The following KCNIP4 variants were observed in gnomAD, a reference collection of about 807,000 sequenced individuals.
KCNIP4 encodes the protein Kv channel-interacting protein 4.
KCNIP4 carries 12 observed loss-of-function variants against 34.0 expected under a neutral mutation model. The observed-to-expected ratio is 0.35, with a 90% CI of 0.23 to 0.57. KCNIP4 has a LOEUF of 0.57. KCNIP4 is among the 20% of genes least tolerant of loss of function. The pLI, the probability that KCNIP4 is intolerant of heterozygous loss-of-function variation, is 0.83. For missense variants in KCNIP4, 238 were observed against 311.7 expected (o/e 0.76, Z 1.78); for synonymous variants, 124 against 102.2 (o/e 1.21, Z -1.29).
chr4:21,406,412 G>A (rs1440904719), intron 1 of KCNIP4, among the ~76,000 whole-genome samples: 9 of 152,158 alleles, frequency 5.9e-5, no homozygotes. Context: ...TGTAGCAGTG[G>A]CATCAAACAG....
intron 1 of KCNIP4, among the ~76,000 whole-genome samples, chr4:21,097,922 C>T (rs948640326): frequency 6.6e-6 from 1 of 152,110 alleles, no homozygotes; most frequent in African/African-American, 2.4e-5. Context: ...TTGGGCCAAA[C>T]AGGTAGCCAA....
At chr4:21,672,629 TATG>T (rs1228774475) in intron 1 of KCNIP4, among the ~76,000 whole-genome samples, 1 of 152,234 alleles carries the variant, frequency 6.6e-6, no homozygotes. Context: ...ACCATGAAAG[TATG>T]ATAAGATTCC....
intron 1 of KCNIP4, among the ~76,000 whole-genome samples, chr4:21,834,659 C>T (rs1489968702): frequency 3.3e-5 from 5 of 152,214 alleles, no homozygotes; most frequent in South Asian, 2.1e-4. Flanking sequence ...GAGGGCATCC[C>T]TGTCTTGTGC....
At chr4:21,179,278 T>A (rs528671626) in intron 1 of KCNIP4, among the ~76,000 whole-genome samples, 16 of 152,322 alleles carry the variant, frequency 1.1e-4, no homozygotes, top group African/African-American at 3.4e-4. Context: ...TAGTGAAACC[T>A]TGCACTTTCT....
intron 3 of KCNIP4, among the ~76,000 whole-genome samples, chr4:20,811,082 A>G (rs914158930): frequency 7.2e-5 from 11 of 152,204 alleles, no homozygotes; most frequent in Non-Finnish European, 8.8e-5. Context: ...ATGAGGCAGA[A>G]TTGTTCTTCA....
chr4:21,824,614 C>T (rs112771671), intron 1 of KCNIP4, among the ~76,000 whole-genome samples: 1 of 152,100 alleles, frequency 6.6e-6, no homozygotes, highest in Non-Finnish European at 1.5e-5. Flanking sequence ...GGCCTTGCAC[C>T]CACAAAATTA....
chr4:20,849,286 A>C (rs1449782989), intron 3 of KCNIP4, among the ~76,000 whole-genome samples: 8 of 152,100 alleles, frequency 5.3e-5, no homozygotes, highest in African/African-American at 1.9e-4. Flanking sequence ...TTTACTCTGC[A>C]TAATAGAGGG....
At chr4:21,837,514 A>G (rs1316139519) in intron 1 of KCNIP4, among the ~76,000 whole-genome samples, 1 of 145,206 alleles carries the variant, frequency 6.9e-6, no homozygotes, top group East Asian at 2.1e-4. Context: ...AGCCTGGGCA[A>G]CAAGAGCAAA....
At chr4:21,092,556 G>T (rs1359208645) in intron 1 of KCNIP4, among the ~76,000 whole-genome samples, 2 of 152,200 alleles carry the variant, frequency 1.3e-5, no homozygotes, top group African/African-American at 4.8e-5. Flanking sequence ...TTTGTTTAAA[G>T]TTCTGTGGTG....
intron 1 of KCNIP4, among the ~76,000 whole-genome samples, chr4:21,158,446 A>C (rs1753320920): frequency 6.6e-6 from 1 of 152,180 alleles, no homozygotes; most frequent in South Asian, 2.1e-4. Flanking sequence ...TAAAATGATA[A>C]TGCATTATGA....
intron 1 of KCNIP4, among the ~76,000 whole-genome samples, chr4:21,533,313 G>A (rs1736865113): frequency 6.6e-6 from 1 of 151,986 alleles, no homozygotes; most frequent in African/African-American, 2.4e-5. Context: ...TGCTCTGTTT[G>A]CTATTCAAAA....
At chr4:21,452,040 C>T (rs759461963) in intron 1 of KCNIP4, among the ~76,000 whole-genome samples, 1 of 152,004 alleles carries the variant, frequency 6.6e-6, no homozygotes, top group Admixed American at 6.6e-5. Flanking sequence ...CTGTTTCTTC[C>T]CCCCCAACTC....
At chr4:20,876,832 A>C (rs919356983) in intron 2 of KCNIP4, among the ~76,000 whole-genome samples, 3 of 152,136 alleles carry the variant, frequency 2.0e-5, no homozygotes, top group South Asian at 2.1e-4. Context: ...TCGGCCTCCC[A>C]AAGTGCTGGG....
At chr4:21,212,503 C>T (rs1757289129) in intron 1 of KCNIP4, among the ~76,000 whole-genome samples, 1 of 152,156 alleles carries the variant, frequency 6.6e-6, no homozygotes, top group Admixed American at 6.6e-5. Flanking sequence ...AAGGGTAAAA[C>T]ATTGTTTCAC....
chr4:21,371,659 A>G (rs1443854655), intron 1 of KCNIP4, among the ~76,000 whole-genome samples: 2 of 147,340 alleles, frequency 1.4e-5, no homozygotes, highest in Non-Finnish European at 2.9e-5. Context: ...GTTATTCTAT[A>G]TAGCATCTTG....
At chr4:21,669,613 T>C (rs908804226) in intron 1 of KCNIP4, among the ~76,000 whole-genome samples, 1 of 146,976 alleles carries the variant, frequency 6.8e-6, no homozygotes, top group African/African-American at 2.5e-5. Context: ...TAAACCCACA[T>C]TGTTTAGGAG....
chr4:21,723,124 A>G (rs930037877), intron 1 of KCNIP4, among the ~76,000 whole-genome samples: 6 of 152,244 alleles, frequency 3.9e-5, no homozygotes, highest in Admixed American at 3.3e-4. Flanking sequence ...ACTGTCCCCA[A>G]TCCTATTCAT....
intron 1 of KCNIP4, among the ~76,000 whole-genome samples, chr4:21,871,086 C>T (rs1327076301): frequency 6.6e-6 from 1 of 151,572 alleles, no homozygotes; most frequent in Non-Finnish European, 1.5e-5. Flanking sequence ...CATTCTTGAG[C>T]ATGTCCTTCA....
chr4:21,839,738 A>G (rs1349231250), intron 1 of KCNIP4, among the ~76,000 whole-genome samples: 1 of 147,770 alleles, frequency 6.8e-6, no homozygotes, highest in Non-Finnish European at 1.5e-5. Context: ...CTGGGCAACA[A>G]GAGCAAAACT....
Sources: allele counts gnomAD v4.1 joint callset (sites outside exome capture counted in the v4.1 genomes callset), GRCh38; gene constraint gnomAD v4.1.1; transcripts MANE v1.5; gene names NCBI Gene and HGNC (gene_info 2026-07-23, HGNC 2026-07-21).